PLPP7: variants seen among roughly 807,000 people sequenced by gnomAD.
PLPP7 encodes inactive phospholipid phosphatase 7.
A neutral mutation model predicts 16.9 loss-of-function variants in PLPP7; 11 were observed. The observed-to-expected ratio is 0.65, with a 90% CI of 0.41 to 1.08. PLPP7 has a LOEUF of 1.08. Ranked by LOEUF, PLPP7 falls within the 50% of genes least tolerant of loss-of-function variation. PLPP7 has a pLI of 0.00. For missense variants in PLPP7, 358 were observed against 397.1 expected, an observed-to-expected ratio of 0.90 and a Z score of 0.84; for synonymous variants, 174 against 175.1, an observed-to-expected ratio of 0.99 and a Z score of 0.05.
intron 1 of PLPP7, among the ~76,000 whole-genome samples, chr9:131,300,139 G>A (rs1224314888): frequency 6.6e-6 from 1 of 152,234 alleles, no homozygotes; most frequent in African/African-American, 2.4e-5. Context: ...GCCGCATCTG[G>A]TGAGGGCCTT....
chr9:131,294,455 C>T (rs1374751804), intron 1 of PLPP7, among the ~76,000 whole-genome samples: 2 of 152,122 alleles, frequency 1.3e-5, no homozygotes, highest in African/African-American at 2.4e-5. Flanking sequence ...GCTCTAGATG[C>T]CTTGAGACCA....
At chr9:131,300,615 A>T (rs1240980487) in intron 1 of PLPP7, among the ~76,000 whole-genome samples, 1 of 151,516 alleles carries the variant, frequency 6.6e-6, no homozygotes, top group Non-Finnish European at 1.5e-5. Flanking sequence ...CCAAAAGTTC[A>T]AGGCTGCAAT....
At chr9:131,296,697 C>T (rs1478410158) in intron 1 of PLPP7, among the ~76,000 whole-genome samples, 1 of 152,198 alleles carries the variant, frequency 6.6e-6, no homozygotes, top group Non-Finnish European at 1.5e-5. Context: ...CGTGCGAATG[C>T]TAATGTGTGA....
At chr9:131,297,675 T>G (rs1025201029) in intron 1 of PLPP7, among the ~76,000 whole-genome samples, 1 of 152,218 alleles carries the variant, frequency 6.6e-6, no homozygotes, top group Admixed American at 6.5e-5. Context: ...CGTGAGCCAC[T>G]GTGCCTAGCC....
At chr9:131,306,335 A>T (rs768265586) in intron 1 of PLPP7, among the ~76,000 whole-genome samples, 1 of 152,008 alleles carries the variant, frequency 6.6e-6, no homozygotes, top group Non-Finnish European at 1.5e-5. Context: ...TGAGGTCAGG[A>T]GTTTGAGACC....
At chr9:131,296,267 AGTTT>A (rs534841515) in intron 1 of PLPP7, among the ~76,000 whole-genome samples, 22 of 151,836 alleles carry the variant, frequency 1.4e-4, no homozygotes, top group Middle Eastern at 6.8e-3. Flanking sequence ...TGGGGGTTTT[AGTTT>A]GTTTGTTTTC....
intron 1 of PLPP7, among the ~76,000 whole-genome samples, chr9:131,300,785 G>T (rs1247183724): frequency 6.6e-6 from 1 of 151,470 alleles, no homozygotes; most frequent in Admixed American, 6.6e-5. Flanking sequence ...TGGGGCATGT[G>T]GGGAGGTTGA....
chr9:131,294,555 T>C (rs182372133), intron 1 of PLPP7, among the ~76,000 whole-genome samples: 28 of 152,286 alleles, frequency 1.8e-4, no homozygotes, highest in Admixed American at 1.6e-3. Flanking sequence ...CCCATCCCAG[T>C]TCACTAAGCC....
intron 1 of PLPP7, among the ~76,000 whole-genome samples, chr9:131,302,637 C>T (rs1367169264): frequency 6.6e-6 from 1 of 152,214 alleles, no homozygotes; most frequent in Non-Finnish European, 1.5e-5. Flanking sequence ...AAGGTTTTCT[C>T]GAGGCCTTCA....
intron 1 of PLPP7, chr9:131,291,269 G>T: frequency 3.9e-6 from 5 of 1,289,944 alleles, no homozygotes; most frequent in Admixed American, 2.3e-5. Flanking sequence ...CGCCAGGCCC[G>T]CATCGATTTC....
At chr9:131,300,059 C>T (rs1835779306) in intron 1 of PLPP7, among the ~76,000 whole-genome samples, 2 of 152,246 alleles carry the variant, frequency 1.3e-5, no homozygotes, top group Admixed American at 1.3e-4. Flanking sequence ...GAATACCACA[C>T]ACTGATTTAT....
intron 1 of PLPP7, chr9:131,291,451 A>C: frequency 3.6e-6 from 4 of 1,103,136 alleles, no homozygotes; most frequent in Non-Finnish European, 3.4e-6. Flanking sequence ...CTCTAGTCTC[A>C]GTCTGGAGGC....
intron 1 of PLPP7, among the ~76,000 whole-genome samples, chr9:131,304,815 C>A (rs1279421195): frequency 1.3e-5 from 2 of 152,180 alleles, no homozygotes; most frequent in African/African-American, 4.8e-5. Flanking sequence ...CCGCAGACAG[C>A]GAACCCTCAC....
chr9:131,304,178 A>T (rs867490800), intron 1 of PLPP7, among the ~76,000 whole-genome samples: 2 of 152,082 alleles, frequency 1.3e-5, no homozygotes, highest in East Asian at 3.9e-4. Flanking sequence ...GAACCCCCAC[A>T]TTGGCGGTCT....
chr9:131,305,035 G>A (rs77928457), intron 1 of PLPP7, among the ~76,000 whole-genome samples: 2 of 152,190 alleles, frequency 1.3e-5, no homozygotes, highest in African/African-American at 4.8e-5. Context: ...CTCTATAAAG[G>A]GGGGAATGAC....
Position 131,290,277 on chromosome 9 carries a change from A to G in PLPP7, c.280A>G (p.Lys94Glu), listed in dbSNP as rs979467963. 1.2e-5 allele frequency: 19 copies of G among 1,612,550 alleles called. No individual in the cohort carries two copies. The highest frequency in any genetic ancestry group is 1.6e-5 in the Non-Finnish European group (19 of 1,179,286). ...GCTGGCCATCGATATCTGTATGTCC[A>G]AGCGGCTGGGGGTGTGCGCTGGCCG... The part of the protein sequence containing the change: ...SLLAIDICMS[K>E]RLGVCAGRAA... Residue 94 changes from lysine (K) to glutamate (E), a missense_variant, in exon 1 of 2, where the codon AAG becomes GAG. Transcript: ENST00000372264. This position sits in a 1 kb window ranked among gnomAD's most constrained non-coding sequence, Gnocchi z 4.2.
chr9:131,292,845 A>G (rs922724763), intron 1 of PLPP7: 126 of 985,132 alleles, frequency 1.3e-4, no homozygotes, highest in Middle Eastern at 1.0e-3. Flanking sequence ...TTTGCAACCT[A>G]CTTGTTAAGA....
chr9:131,291,171 C>T, intron 1 of PLPP7: 1 of 1,366,090 alleles, frequency 7.3e-7, no homozygotes, highest in Non-Finnish European at 9.8e-7. Flanking sequence ...CCATTCCCTC[C>T]ACCCAGAGGT....
chr9:131,296,639 G>A (rs1013516252), intron 1 of PLPP7, among the ~76,000 whole-genome samples: 4 of 152,204 alleles, frequency 2.6e-5, no homozygotes, highest in African/African-American at 9.7e-5. Context: ...CCCTCTCCCA[G>A]GAAGAGCCTC....
Sources: gnomAD v4.1 joint callset for allele counts (sites outside exome capture counted in the v4.1 genomes callset) on GRCh38, gnomAD v4.1.1 for gene constraint, Gnocchi (gnomAD v3.1) non-coding constraint, MANE v1.5 for transcripts, NCBI Gene and HGNC (gene_info 2026-07-23, HGNC 2026-07-21) for gene names.